The following PAWR variants were observed in gnomAD, a reference collection of about 807,000 sequenced individuals.
PAWR encodes pro-apoptotic WT1 regulator.
In PAWR, 23 loss-of-function variants were observed where a neutral mutation model predicts 32.0. That is an observed-to-expected ratio of 0.72 (90% confidence interval 0.52 to 1.02). PAWR has a LOEUF of 1.02. Ranked by LOEUF, PAWR falls within the 50% of genes least tolerant of loss-of-function variation. PAWR has a pLI of 0.00. For synonymous variants in PAWR, 226 were observed against 187.1 expected (o/e 1.21, Z -1.70); for missense variants, 457 against 437.7 (o/e 1.04, Z -0.39).
Position 79,613,571 on chromosome 12 carries a change from T to A in PAWR, c.683+4A>T. The A allele has an allele frequency of 6.6e-7, 1 of 1,509,028 alleles. No individual in the cohort carries two copies. The highest frequency in any genetic ancestry group is 9.2e-7 in the Non-Finnish European group (1 of 1,090,460). 93.5% of individuals were successfully genotyped at this position (1,509,028 alleles called of 1,614,324 possible). ...CAATATGTTTAAGTCATAAGGATTC[T>A]TACCTTTTATATCTGCCTGAAACTG... On this transcript the variant is annotated splice_donor_region_variant and intron_variant, in intron 4 of 6. Coordinates refer to ENST00000328827, the MANE Select transcript of PAWR (RefSeq NM_002583.4).
At chr12:79,644,021 A>T (rs962046362) in intron 2 of PAWR, among the ~76,000 whole-genome samples, 2 of 152,188 alleles carry the variant, frequency 1.3e-5, no homozygotes, top group Non-Finnish European at 2.9e-5. Context: ...CTATTGATTC[A>T]GATGTGTCAA....
intron 2 of PAWR, among the ~76,000 whole-genome samples, chr12:79,644,977 C>G (rs890275439): frequency 6.6e-6 from 1 of 151,412 alleles, no homozygotes; most frequent in Non-Finnish European, 1.5e-5. Flanking sequence ...AGCATCACAT[C>G]TTTACAAAAC....
In PAWR at chr12:79,592,406, T is replaced by A. The variant is rs1873587878; in HGVS notation, c.*201A>T. ...TTTAATAACTGAAAGATATTACTTA[T>A]TTGTGAGATAAAAGGATAATGCTTT... On this transcript the variant is annotated 3_prime_UTR_variant, in exon 7 of 7. Coordinates refer to ENST00000328827, the MANE Select transcript of PAWR (RefSeq NM_002583.4). The A allele has an allele frequency of 2.1e-6, 1 of 468,812 alleles. No individual in the cohort carries two copies. Among genetic ancestry groups the A allele is most frequent in the African/African-American group, 2.1e-5 (1 of 48,408 alleles). The allele number at this position is 468,812 out of a possible 1,614,324, so 29.0% of individuals were successfully genotyped here.
chr12:79,590,217 G>A lies in PAWR; in HGVS notation c.*2390C>T. ...AATAATTTTTTTTTTTTTTTTTTTG[G>A]AGACAGAGTTTCGCTCTTCTTGCCC... On this transcript the variant is annotated 3_prime_UTR_variant, in exon 7 of 7. Transcript: ENST00000328827. The A allele has an allele frequency of 7.2e-6, 1 of 138,172 alleles. No individual in the cohort carries two copies. The highest frequency in any genetic ancestry group is 1.6e-5 in the Non-Finnish European group (1 of 63,872). The allele number at this position is 138,172 out of a possible 1,614,324, so 8.6% of individuals were successfully genotyped here. A position where few individuals can be genotyped will look rare whatever the true frequency, so the allele number is the denominator to read the frequency against.
chr12:79,609,751 A>C (rs1874352802), intron 4 of PAWR, among the ~76,000 whole-genome samples: 1 of 152,082 alleles, frequency 6.6e-6, no homozygotes, highest in Non-Finnish European at 1.5e-5. Context: ...CTGGACACTG[A>C]ATGGGTGCAA....
At chr12:79,638,793 GTGTGT>G (rs1876098354) in intron 2 of PAWR, among the ~76,000 whole-genome samples, 2 of 101,332 alleles carry the variant, frequency 2.0e-5, no homozygotes, top group African/African-American at 1.1e-4. Flanking sequence ...TATTTGGGGT[GTGTGT>G]GTGTGTGTGT....
intron 2 of PAWR, among the ~76,000 whole-genome samples, chr12:79,688,689 A>G (rs943086593): frequency 6.6e-6 from 1 of 152,208 alleles, no homozygotes; most frequent in Non-Finnish European, 1.5e-5. Context: ...ATTTAGGTAT[A>G]TTTAATATAC....
At chr12:79,676,479 C>T (rs1375079936) in intron 2 of PAWR, among the ~76,000 whole-genome samples, 8 of 152,134 alleles carry the variant, frequency 5.3e-5, no homozygotes, top group African/African-American at 1.9e-4. Context: ...GTATTCTCTG[C>T]TATAGTGTTC....
chr12:79,613,931 T>TTTTA (rs1874555348), intron 3 of PAWR, among the ~76,000 whole-genome samples: 2 of 46,780 alleles, frequency 4.3e-5, no homozygotes, highest in Admixed American at 3.5e-4. Flanking sequence ...AGTACCACCA[T>TTTTA]TATATATATA....
At chr12:79,612,338 A>G (rs1472565971) in intron 4 of PAWR, among the ~76,000 whole-genome samples, 1 of 152,178 alleles carries the variant, frequency 6.6e-6, no homozygotes, top group Non-Finnish European at 1.5e-5. Context: ...TTCTATTGCT[A>G]ATAAATACTG....
intron 4 of PAWR, among the ~76,000 whole-genome samples, chr12:79,611,134 T>C (rs1349184067): frequency 6.8e-6 from 1 of 147,446 alleles, no homozygotes; most frequent in Non-Finnish European, 1.5e-5. Flanking sequence ...TTTCTAGCTA[T>C]ATAAAATTTA....
chr12:79,593,489 A>C (rs1239278613), intron 6 of PAWR, among the ~76,000 whole-genome samples: 1 of 151,958 alleles, frequency 6.6e-6, no homozygotes, highest in Non-Finnish European at 1.5e-5. Context: ...ATTTCAAGAC[A>C]GACTCTTTAC....
At chr12:79,633,437 C>A (rs1408751828) in intron 2 of PAWR, among the ~76,000 whole-genome samples, 2 of 152,142 alleles carry the variant, frequency 1.3e-5, no homozygotes, top group Non-Finnish European at 1.5e-5. Flanking sequence ...AATGAACCAC[C>A]TACCAGAATG....
At chr12:79,686,050 T>C (rs1878666204) in intron 2 of PAWR, among the ~76,000 whole-genome samples, 1 of 152,186 alleles carries the variant, frequency 6.6e-6, no homozygotes, top group East Asian at 1.9e-4. Flanking sequence ...ATAAAGCACT[T>C]TAGCCAACCA....
In PAWR at chr12:79,588,566, A is replaced by G. The variant is rs1489052784; in HGVS notation, c.*4041T>C. The G allele has an allele frequency of 6.6e-6, 1 of 152,014 alleles. No individual in the cohort carries two copies. The highest frequency in any genetic ancestry group is 1.5e-5 in the Non-Finnish European group (1 of 67,882). The allele number at this position is 152,014 out of a possible 1,614,324, so 9.4% of individuals were successfully genotyped here. On this transcript the variant is annotated 3_prime_UTR_variant, in exon 7 of 7. Transcript: ENST00000328827. ...AACACAAAGAAGTACTTTTGAGTAA[A>G]CTATTCAGATTAGACAGGCTAATGC...
intron 2 of PAWR, among the ~76,000 whole-genome samples, chr12:79,664,777 G>A (rs186239837): frequency 3.2e-4 from 49 of 151,566 alleles, no homozygotes; most frequent in African/African-American, 7.3e-4. Flanking sequence ...ACGGATATGC[G>A]TCATCATGTC....
chr12:79,690,392 C>T lies in PAWR; in HGVS notation c.-147-1G>A. The stretch of plus-strand genomic sequence containing the variant: ...GCCGCTCCCACAGCAGCCGGCGGGG[C>T]TGAGGTGAAAGACAAAAGGGGGCGG... On this transcript the variant is annotated splice_acceptor_variant, in intron 1 of 6. Coordinates refer to ENST00000328827, the MANE Select transcript of PAWR (RefSeq NM_002583.4). LOFTEE classifies it low-confidence loss of function (5UTR_SPLICE). The T allele has an allele frequency of 7.4e-7, 1 of 1,342,816 alleles. No homozygotes were observed. 83.2% of individuals were successfully genotyped at this position (1,342,816 alleles called of 1,614,324 possible).
chr12:79,689,290 T>G (rs1249867259), intron 2 of PAWR, among the ~76,000 whole-genome samples: 1 of 152,206 alleles, frequency 6.6e-6, no homozygotes, highest in East Asian at 1.9e-4. Context: ...CAGATGTTAT[T>G]AAACATTGGT....
At chr12:79,638,688 C>T (rs544381470) in intron 2 of PAWR, among the ~76,000 whole-genome samples, 18 of 150,496 alleles carry the variant, frequency 1.2e-4, no homozygotes, top group East Asian at 1.2e-3. Flanking sequence ...ATAATGGCTC[C>T]GACTGGAGTA....
Sources: allele counts gnomAD v4.1 joint callset (sites outside exome capture counted in the v4.1 genomes callset), GRCh38; gene constraint gnomAD v4.1.1; transcripts MANE v1.5; gene names NCBI Gene and HGNC (gene_info 2026-07-23, HGNC 2026-07-21).